ASCC3: variants seen among roughly 807,000 people sequenced by gnomAD.
The protein encoded by ASCC3 is ASC-1 complex subunit P200.
In ASCC3, 158 loss-of-function variants were observed where a neutral mutation model predicts 256.3. The ratio of observed to expected loss-of-function variants is 0.62; its 90% CI spans 0.54 to 0.70. The LOEUF (loss-of-function observed/expected upper bound fraction) is 0.70. Ranked by LOEUF, ASCC3 falls within the 30% of genes least tolerant of loss-of-function variation. The pLI is 0.00. For synonymous variants in ASCC3, 948 were observed against 883.4 expected (o/e 1.07, Z -1.30); for missense variants, 2,259 against 2,626.0 (o/e 0.86, Z 3.05).
intron 8 of ASCC3, among the ~76,000 whole-genome samples, chr6:100,795,382 G>GA (rs1769559910): frequency 6.6e-6 from 1 of 151,136 alleles, no homozygotes; most frequent in African/African-American, 2.4e-5. Flanking sequence ...GGAGGAAAAA[G>GA]AAAAAAAGGA....
intron 13 of ASCC3, among the ~76,000 whole-genome samples, chr6:100,686,490 T>A (rs1777575229): frequency 6.6e-6 from 1 of 152,192 alleles, no homozygotes; most frequent in Admixed American, 6.5e-5. Flanking sequence ...TTATACACAC[T>A]GTTTTTCCTT....
intron 39 of ASCC3, among the ~76,000 whole-genome samples, chr6:100,514,237 T>C (rs1453609072): frequency 6.6e-6 from 1 of 152,118 alleles, no homozygotes; most frequent in East Asian, 1.9e-4. Flanking sequence ...CTGTACAACC[T>C]GTACAAAGGA....
At chr6:100,613,158 T>C (rs1457533086) in intron 30 of ASCC3, among the ~76,000 whole-genome samples, 1 of 151,674 alleles carries the variant, frequency 6.6e-6, no homozygotes, top group East Asian at 1.9e-4. Context: ...CTGTCTAGAT[T>C]GCGTAGTGGG....
chr6:100,833,642 T>G (rs1001340165), intron 4 of ASCC3, among the ~76,000 whole-genome samples: 1 of 152,138 alleles, frequency 6.6e-6, no homozygotes, highest in African/African-American at 2.4e-5. Flanking sequence ...AAATACAAAA[T>G]ATGGTATAAA....
At chr6:100,567,787 C>T (rs1183089618) in intron 36 of ASCC3, among the ~76,000 whole-genome samples, 1 of 151,954 alleles carries the variant, frequency 6.6e-6, no homozygotes, top group Admixed American at 6.6e-5. Flanking sequence ...TTTTTTTATC[C>T]AATCCACTGT....
chr6:100,864,045 G>GA lies in ASCC3; in HGVS notation c.241+18dup. On this transcript the variant is annotated intron_variant, in intron 3 of 41. Coordinates refer to ENST00000369162, the MANE Select transcript of ASCC3 (RefSeq NM_006828.4). ...ACTGGTTCTCTTTAAAAAAAAAAAA[G>GA]AAAAAAAGAAAACTATACCTATCTG... is the stretch of plus-strand genomic sequence containing the variant. 7.3e-7 allele frequency: 1 copy of GA among 1,377,816 alleles called. No individual in the cohort carries two copies. Among genetic ancestry groups the GA allele is most frequent in the Non-Finnish European group, 9.8e-7 (1 of 1,019,080 alleles). 85.3% of individuals were successfully genotyped at this position (1,377,816 alleles called of 1,614,324 possible). A position where few individuals can be genotyped will look rare whatever the true frequency, so the allele number is the denominator to read the frequency against.
chr6:100,550,014 AT>A (rs1769210106), intron 36 of ASCC3, among the ~76,000 whole-genome samples: 1 of 151,916 alleles, frequency 6.6e-6, no homozygotes, highest in Non-Finnish European at 1.5e-5. Flanking sequence ...GATGAGAAGA[AT>A]GATGATGCTA....
At chr6:100,750,546 TATC>T (rs10579487) in intron 10 of ASCC3, among the ~76,000 whole-genome samples, 70,484 of 151,400 alleles carry the variant, frequency 0.47, 16,517 homozygotes, top group South Asian at 0.6. Context: ...ACACAAGCTG[TATC>T]ATAAGACTCA....
At chr6:100,673,581 G>A (rs72941252) in intron 14 of ASCC3, among the ~76,000 whole-genome samples, 7,528 of 152,038 alleles carry the variant, frequency 0.05, 229 homozygotes, top group African/African-American at 0.067. Context: ...AAGAAACAAG[G>A]ATAAAATTTC....
At chr6:100,682,902 A>T (rs889331134) in intron 13 of ASCC3, among the ~76,000 whole-genome samples, 1 of 152,172 alleles carries the variant, frequency 6.6e-6, no homozygotes, top group African/African-American at 2.4e-5. Flanking sequence ...TTGTTAAAAT[A>T]GATTTCTGGG....
intron 36 of ASCC3, among the ~76,000 whole-genome samples, chr6:100,541,570 C>A (rs1775466443): frequency 1.3e-5 from 2 of 152,030 alleles, no homozygotes; most frequent in Admixed American, 6.6e-5. Flanking sequence ...ACCTGCCCAG[C>A]AAATCAAAAA....
chr6:100,877,254 G>A (rs1254528686), intron 1 of ASCC3, among the ~76,000 whole-genome samples: 1 of 152,080 alleles, frequency 6.6e-6, no homozygotes, highest in Admixed American at 6.6e-5. Context: ...GACAAAAATA[G>A]TCAAAGTGAT....
chr6:100,633,525 T>C (rs904844685), intron 25 of ASCC3, among the ~76,000 whole-genome samples: 1 of 152,008 alleles, frequency 6.6e-6, no homozygotes, highest in African/African-American at 2.4e-5. Context: ...AGATCTGTGG[T>C]AAGAACAAAC....
chr6:100,682,390 A>C (rs922000775), intron 13 of ASCC3, among the ~76,000 whole-genome samples: 1 of 152,230 alleles, frequency 6.6e-6, no homozygotes, highest in Non-Finnish European at 1.5e-5. Context: ...TTTACTAGGC[A>C]TGTATGTGTA....
chr6:100,692,286 CTA>C (rs1309174085), intron 13 of ASCC3, among the ~76,000 whole-genome samples: 1 of 152,000 alleles, frequency 6.6e-6, no homozygotes, highest in African/African-American at 2.4e-5. Flanking sequence ...TGGTTTGACA[CTA>C]TATGAGTTCT....
Position 100,717,511 on chromosome 6 carries a change from A to G in ASCC3, c.2079+564T>C, listed in dbSNP as rs1779137495. Among the ~76,000 whole-genome samples the G allele has an allele frequency of 2.0e-5, 3 of 151,968 alleles. No homozygotes were observed. The South Asian group carries it at 6.2e-4, about 31-fold the overall frequency. The stretch of plus-strand genomic sequence containing the variant: ...TATCATAAGTACTCTAATAGTGTGA[A>G]TAGTATAGGTAGTACTAATTTTAAA... On this transcript the variant is annotated intron_variant, in intron 12 of 41. Coordinates refer to ENST00000369162, the MANE Select transcript of ASCC3 (RefSeq NM_006828.4).
At chr6:100,557,616 A>AT (rs1769672525) in intron 36 of ASCC3, among the ~76,000 whole-genome samples, 1 of 146,048 alleles carries the variant, frequency 6.8e-6, no homozygotes, top group South Asian at 2.1e-4. Context: ...TTTACCTGGT[A>AT]TATCTTTTCC....
intron 37 of ASCC3, among the ~76,000 whole-genome samples, chr6:100,532,652 G>A (rs1277651127): frequency 6.6e-6 from 1 of 151,524 alleles, no homozygotes; most frequent in Non-Finnish European, 1.5e-5. Flanking sequence ...ACAAAGGAAT[G>A]TATTTCAGAA....
chr6:100,716,873 T>G (rs572046434), intron 12 of ASCC3, among the ~76,000 whole-genome samples: 1 of 151,972 alleles, frequency 6.6e-6, no homozygotes, highest in Non-Finnish European at 1.5e-5. Flanking sequence ...TCTTTATATC[T>G]CTCTGTGATA....
Sources: allele counts gnomAD v4.1 joint callset (sites outside exome capture counted in the v4.1 genomes callset), GRCh38; gene constraint gnomAD v4.1.1; transcripts MANE v1.5; gene names NCBI Gene and HGNC (gene_info 2026-07-23, HGNC 2026-07-21).